The following CHODL variants were observed in gnomAD, a reference collection of about 807,000 sequenced individuals.
CHODL encodes the protein chondrolectin.
A neutral mutation model predicts 34.5 loss-of-function variants in CHODL; 29 were observed. The ratio of observed to expected loss-of-function variants is 0.84; its 90% confidence interval spans 0.63 to 1.15. The LOEUF is 1.15. CHODL is among the 50% of genes most tolerant of loss of function. The pLI, the probability that CHODL is intolerant of heterozygous loss-of-function variation, is 0.00. For missense variants in CHODL, 332 were observed against 332.5 expected (o/e 1.00, Z 0.01); for synonymous variants, 125 against 116.1 (o/e 1.08, Z -0.49).
chr21:18,028,630 C>T (rs1317588377), intron 2 of CHODL, among the ~76,000 whole-genome samples: 4 of 141,174 alleles, frequency 2.8e-5, no homozygotes, highest in South Asian at 2.3e-4. Context: ...ACCTGGGAGG[C>T]GGAGGTTGCA....
At chr21:18,172,370 T>C (rs7276598) in intron 2 of CHODL, among the ~76,000 whole-genome samples, 2,731 of 152,318 alleles carry the variant, frequency 0.018, 76 homozygotes, top group African/African-American at 0.06. Context: ...ATGATATTTC[T>C]CTGGGAATAA....
rs1442315550 is a variant in CHODL at position 18,244,880 on chromosome 21, T to C, written c.-344T>C. 16 of 255,448 alleles carry C rather than the reference T, an allele frequency of 6.3e-5. No individual in the cohort carries two copies. The highest frequency in any genetic ancestry group is 2.4e-3 in the Middle Eastern group (2 of 820). 15.8% of individuals were successfully genotyped at this position (255,448 alleles called of 1,614,324 possible). A position where few individuals can be genotyped will look rare whatever the true frequency, so the allele number is the denominator to read the frequency against. On this transcript the variant is annotated 5_prime_UTR_variant, in exon 1 of 6. Coordinates refer to ENST00000299295, the MANE Select transcript of CHODL (RefSeq NM_024944.3). Reference sequence around the variant, plus strand: ...AGGGCGCACCGGCTCAGCCTCTCACTTGTCAGAGGCCGGGGAAGAGAAGCA... The same window carrying C: ...AGGGCGCACCGGCTCAGCCTCTCACCTGTCAGAGGCCGGGGAAGAGAAGCA...
chr21:18,221,683 C>T (rs11911591), intron 2 of CHODL, among the ~76,000 whole-genome samples: 11,403 of 152,176 alleles, frequency 0.075, 525 homozygotes, highest in African/African-American at 0.13. Context: ...TCTCAGGCTG[C>T]GGTTGTTTGG....
At position 18,019,497 on chromosome 21, in the gene CHODL, G is replaced by C. The variant is rs189058045; in HGVS notation, c.-144-8375G>C. On this transcript the variant is annotated intron_variant, in intron 1 of 6. Transcript: ENST00000400127. The stretch of plus-strand genomic sequence containing the variant: ...TTCAGTTGTTTGTAATACAAAGAAA[G>C]GATAAATGCTTAAGATGATGAGTAC... Among the ~76,000 whole-genome samples the C allele has an allele frequency of 2.2e-4, 34 of 152,024 alleles. No homozygotes were observed. The East Asian group carries it at 6.2e-3, about 28-fold the overall frequency.
At chr21:18,237,170 G>C (rs546973212) in intron 2 of CHODL, among the ~76,000 whole-genome samples, 1 of 152,060 alleles carries the variant, frequency 6.6e-6, no homozygotes, top group Non-Finnish European at 1.5e-5. Flanking sequence ...TTAGTACTTT[G>C]TCAGGCAACA....
chr21:18,072,113 AAAC>A (rs1381681051), intron 2 of CHODL, among the ~76,000 whole-genome samples: 18 of 152,232 alleles, frequency 1.2e-4, no homozygotes, highest in East Asian at 9.6e-4. Context: ...TTCTGATTAA[AAAC>A]AACGTTCTTA....
intron 2 of CHODL, among the ~76,000 whole-genome samples, chr21:18,127,672 G>GGTTTTT (rs1555874334): frequency 1.4e-5 from 1 of 70,006 alleles, no homozygotes; most frequent in African/African-American, 5.3e-5. Context: ...CGTTGCCATT[G>GGTTTTT]TTTTTTTTTT....
At chr21:18,126,020 T>A (rs1171837859) in intron 2 of CHODL, among the ~76,000 whole-genome samples, 1 of 152,122 alleles carries the variant, frequency 6.6e-6, no homozygotes, top group Non-Finnish European at 1.5e-5. Context: ...GTCTTATTTT[T>A]AAAAAAATGC....
chr21:18,154,037 T>C (rs1337083930), intron 2 of CHODL, among the ~76,000 whole-genome samples: 1 of 152,174 alleles, frequency 6.6e-6, no homozygotes, highest in Non-Finnish European at 1.5e-5. Flanking sequence ...GAGATGTTTA[T>C]GTGTCTCAGA....
At chr21:18,256,849 G>T (rs2074322869) in intron 2 of CHODL, 31 bp downstream of exon 2, 1 of 1,595,986 alleles carries the variant, frequency 6.3e-7, no homozygotes, top group Non-Finnish European at 8.5e-7. Context: ...GTTGGCAGGT[G>T]CTCTGGGGAA....
chr21:18,220,545 T>C lies in CHODL; in HGVS notation c.-44-35964T>C, dbSNP rs182757216. 4.6e-5 allele frequency among the ~76,000 whole-genome samples: 7 copies of C among 152,328 alleles called. No individual in the cohort carries two copies. In the East Asian group the frequency reaches 1.3e-3, roughly 29 times the overall value. Reference sequence around the variant, plus strand: ...TATTTTACAATGGTAGATATTGTTCTTTCATTTCCAGATATAGGACTCCCT... The same window carrying C: ...TATTTTACAATGGTAGATATTGTTCCTTCATTTCCAGATATAGGACTCCCT... On this transcript the variant is annotated intron_variant, in intron 2 of 6. Coordinates refer to the CHODL transcript ENST00000400127.
At chr21:18,206,949 A>G (rs2073719222) in intron 2 of CHODL, among the ~76,000 whole-genome samples, 1 of 151,682 alleles carries the variant, frequency 6.6e-6, no homozygotes, top group Admixed American at 6.6e-5. Context: ...GGTTTGTTAC[A>G]TAGGTATACA....
intron 2 of CHODL, among the ~76,000 whole-genome samples, chr21:18,196,198 C>T (rs1228287550): frequency 1.3e-5 from 2 of 152,168 alleles, no homozygotes; most frequent in Non-Finnish European, 2.9e-5. Context: ...GAATATCATG[C>T]ATATCAACAC....
In CHODL at chr21:18,106,482, CT is replaced by C. The variant is rs1245226990; in HGVS notation, c.-45+78517del. On this transcript the variant is annotated intron_variant, in intron 2 of 6. Coordinates refer to the CHODL transcript ENST00000400127. The stretch of plus-strand genomic sequence containing the variant: ...TTTTGTTACTAGATCTTTCTTTTTT[CT>C]TTTTTCTTTTTCTTTTTCTTTTTTT... Among the ~76,000 whole-genome samples the C allele has an allele frequency of 1.0e-4, 14 of 136,672 alleles. 1 individual carries two copies. Among genetic ancestry groups the C allele is most frequent in the Admixed American group, 4.2e-4 (6 of 14,118 alleles). 89.7% of individuals were successfully genotyped at this position (136,672 alleles called of 152,430 possible).
intron 2 of CHODL, among the ~76,000 whole-genome samples, chr21:18,230,319 A>G (rs1490674546): frequency 3.3e-5 from 5 of 152,152 alleles, no homozygotes; most frequent in Non-Finnish European, 7.4e-5. Context: ...CTTTTATTAC[A>G]TGGAAGACAT....
intron 2 of CHODL, among the ~76,000 whole-genome samples, chr21:18,091,006 C>T (rs919008407): frequency 2.0e-5 from 3 of 152,186 alleles, no homozygotes; most frequent in Non-Finnish European, 4.4e-5. Context: ...TGGCAGTGAC[C>T]GTCTGGCCTG....
intron 2 of CHODL, among the ~76,000 whole-genome samples, chr21:18,169,630 T>G (rs1027155526): frequency 4.6e-5 from 7 of 152,086 alleles, no homozygotes; most frequent in Non-Finnish European, 8.8e-5. Context: ...ATCTTTACTT[T>G]CTTTTGCTTA....
At chr21:18,167,207 C>CTGTG (rs1349955601) in intron 2 of CHODL, among the ~76,000 whole-genome samples, 6 of 118,692 alleles carry the variant, frequency 5.1e-5, no homozygotes, top group South Asian at 2.9e-4. Flanking sequence ...CCATTTCTCT[C>CTGTG]TCTCTGTGTG....
At chr21:17,943,952 C>A (rs1003128927) in intron 1 of CHODL, among the ~76,000 whole-genome samples, 3 of 152,194 alleles carry the variant, frequency 2.0e-5, no homozygotes, top group Admixed American at 1.3e-4. Flanking sequence ...GTGCACAAAT[C>A]TTGGTGGTAG....
Sources: gnomAD v4.1 joint callset for allele counts (sites outside exome capture counted in the v4.1 genomes callset) on GRCh38, gnomAD v4.1.1 for gene constraint, MANE v1.5 for transcripts, NCBI Gene and HGNC (gene_info 2026-07-23, HGNC 2026-07-21) for gene names.